Variants in TMEM132C observed in about 807,000 individuals in gnomAD.
The protein encoded by TMEM132C is transmembrane protein 132C, also known as protein phosphatase 1, regulatory subunit 152.
TMEM132C carries 29 observed loss-of-function variants against 61.4 expected under a neutral mutation model. The ratio of observed to expected loss-of-function variants is 0.47; its 90% CI spans 0.35 to 0.64. The LOEUF is 0.64. TMEM132C is among the 30% of genes least tolerant of loss of function. TMEM132C has a pLI of 0.00. For missense variants in TMEM132C, 1,408 were observed against 1,476.9 expected (o/e 0.95, Z 0.76); for synonymous variants, 656 against 633.1 (o/e 1.04, Z -0.54).
chr12:128,290,697 A>G (rs540757207), intron 1 of TMEM132C, among the ~76,000 whole-genome samples: 1 of 152,142 alleles, frequency 6.6e-6, no homozygotes, highest in Admixed American at 6.5e-5. Context: ...TTAAACATAT[A>G]TGCCCTTTCC....
intron 1 of TMEM132C, among the ~76,000 whole-genome samples, chr12:128,351,924 A>G (rs1873348474): frequency 1.3e-5 from 2 of 152,216 alleles, no homozygotes. Context: ...GAATTGGCTC[A>G]TGCAATTATG....
At chr12:128,523,150 C>T (rs1418209169) in intron 2 of TMEM132C, among the ~76,000 whole-genome samples, 1 of 152,184 alleles carries the variant, frequency 6.6e-6, no homozygotes, top group East Asian at 1.9e-4. Context: ...TGAAATAAGA[C>T]AGTCAGTCAC....
In TMEM132C at chr12:128,586,907, G is replaced by A. The variant is rs542179938; in HGVS notation, c.1122-29245G>A. 5.9e-5 allele frequency among the ~76,000 whole-genome samples: 9 copies of A among 152,274 alleles called. No homozygotes were observed. The South Asian group carries it at 6.2e-4, about 11-fold the overall frequency. On this transcript the variant is annotated intron_variant, in intron 3 of 8. Transcript: ENST00000435159. Reference sequence around the variant, plus strand: ...TGGGCAGCACCTGCTCTCCTCTGGCGGTGCAGAGGTCACAGGACATGGGAA... The same window carrying A: ...TGGGCAGCACCTGCTCTCCTCTGGCAGTGCAGAGGTCACAGGACATGGGAA...
chr12:128,655,239 G>A (rs1227570500), intron 4 of TMEM132C, among the ~76,000 whole-genome samples: 1 of 152,216 alleles, frequency 6.6e-6, no homozygotes, highest in East Asian at 1.9e-4. Flanking sequence ...CCCCTGATGA[G>A]AGGAGTTGTT....
chr12:128,508,855 TATC>T (rs1872473327), intron 2 of TMEM132C, among the ~76,000 whole-genome samples: 1 of 152,188 alleles, frequency 6.6e-6, no homozygotes, highest in African/African-American at 2.4e-5. Context: ...TACCATATCA[TATC>T]ATGTCATGTC....
At chr12:128,651,950 C>A (rs1418111515) in intron 4 of TMEM132C, among the ~76,000 whole-genome samples, 1 of 152,224 alleles carries the variant, frequency 6.6e-6, no homozygotes, top group Non-Finnish European at 1.5e-5. Context: ...TTGAGCAGAG[C>A]AGCAGCCTGG....
chr12:128,352,665 C>T (rs1873377228), intron 1 of TMEM132C, among the ~76,000 whole-genome samples: 2 of 152,198 alleles, frequency 1.3e-5, no homozygotes, highest in South Asian at 2.1e-4. Flanking sequence ...GACGCAATCA[C>T]CTTTCAAATG....
At position 128,343,372 on chromosome 12, in the gene TMEM132C, C is replaced by T. The variant is rs201265968; in HGVS notation, c.86-71360C>T. 6.6e-4 allele frequency among the ~76,000 whole-genome samples: 100 copies of T among 150,648 alleles called. 1 individual carries two copies. In the East Asian group the frequency reaches 0.015, roughly 23 times the overall value. On this transcript the variant is annotated intron_variant, in intron 1 of 8. Transcript: ENST00000435159. ...CTGAGAGGCGGAGGTTGCAGTGAGC[C>T]GAGATCCCACCACTGCACTCCAGCC...
chr12:128,480,504 G>T (rs1774123249), intron 2 of TMEM132C, among the ~76,000 whole-genome samples: 1 of 152,180 alleles, frequency 6.6e-6, no homozygotes, highest in Non-Finnish European at 1.5e-5. Flanking sequence ...CCAGTCCCCG[G>T]CGAAGCCAGC....
At chr12:128,469,268 T>A (rs1870850014) in intron 2 of TMEM132C, among the ~76,000 whole-genome samples, 1 of 152,176 alleles carries the variant, frequency 6.6e-6, no homozygotes. Flanking sequence ...AGACACATTT[T>A]ACTTTATGAC....
At chr12:128,291,197 A>T (rs1871236058) in intron 1 of TMEM132C, among the ~76,000 whole-genome samples, 1 of 152,344 alleles carries the variant, frequency 6.6e-6, no homozygotes, top group South Asian at 2.1e-4. Context: ...CTGCAAGTAC[A>T]TCCAAGAAGA....
At chr12:128,336,778 G>A (rs1377991482) in intron 1 of TMEM132C, among the ~76,000 whole-genome samples, 2 of 152,196 alleles carry the variant, frequency 1.3e-5, no homozygotes, top group East Asian at 1.9e-4. Context: ...ACTGAGAACA[G>A]CTTTCAGAAC....
intron 1 of TMEM132C, among the ~76,000 whole-genome samples, chr12:128,335,877 C>T (rs1239522993): frequency 1.3e-5 from 2 of 152,254 alleles, no homozygotes; most frequent in East Asian, 3.9e-4. Context: ...GTGTTCTTTC[C>T]GTTACTCTAA....
chr12:128,313,252 C>T (rs553788275), intron 1 of TMEM132C, among the ~76,000 whole-genome samples: 49 of 152,326 alleles, frequency 3.2e-4, no homozygotes, highest in Admixed American at 8.5e-4. Flanking sequence ...TGTCTATCTC[C>T]TGCACATATG....
chr12:128,461,676 G>A (rs550329372), intron 2 of TMEM132C, among the ~76,000 whole-genome samples: 1 of 152,236 alleles, frequency 6.6e-6, no homozygotes, highest in East Asian at 1.9e-4. Context: ...CACCAGGTCA[G>A]GATCTCATAG....
In TMEM132C at chr12:128,460,588, A is replaced by G. The variant is rs868098787; in HGVS notation, c.974+44968A>G. Among the ~76,000 whole-genome samples, 6 of 152,134 alleles carry G rather than the reference A, an allele frequency of 3.9e-5. 1 individual carries two copies. The highest frequency in any genetic ancestry group is 5.9e-5 in the Non-Finnish European group (4 of 68,022). On this transcript the variant is annotated intron_variant, in intron 2 of 8. Transcript: ENST00000435159. ...AGGCGGTGCCACTCATTGCCACCCC[A>G]CTGAGTAGCAATGGCTACCCAAAAG... is the stretch of plus-strand genomic sequence containing the variant.
chr12:128,400,493 A>G (rs1356313516), intron 1 of TMEM132C, among the ~76,000 whole-genome samples: 3 of 151,814 alleles, frequency 2.0e-5, no homozygotes, highest in Admixed American at 2.0e-4. Context: ...GGGGCTGGAT[A>G]ATTCTGTGGG....
At chr12:128,292,912 A>G (rs953316381) in intron 1 of TMEM132C, among the ~76,000 whole-genome samples, 1 of 144,622 alleles carries the variant, frequency 6.9e-6, no homozygotes, top group African/African-American at 2.6e-5. Context: ...CACATTTCAC[A>G]TGGTAGGTCT....
chr12:128,583,839 G>C (rs980593806), intron 3 of TMEM132C, among the ~76,000 whole-genome samples: 1 of 152,186 alleles, frequency 6.6e-6, no homozygotes, highest in Non-Finnish European at 1.5e-5. Flanking sequence ...GCATTCAAAC[G>C]TCTTCATCCG....
Sources: allele counts gnomAD v4.1 joint callset (sites outside exome capture counted in the v4.1 genomes callset), GRCh38; gene constraint gnomAD v4.1.1; transcripts MANE v1.5; gene names NCBI Gene and HGNC (gene_info 2026-07-23, HGNC 2026-07-21).